ARHGAP39: variants seen among roughly 807,000 people sequenced by gnomAD.
ARHGAP39 encodes the protein Rho GTPase activating protein 39.
In ARHGAP39, 44 loss-of-function variants were observed where a neutral mutation model predicts 106.9. That is an observed-to-expected ratio of 0.41 (90% CI 0.32 to 0.53). ARHGAP39 has a LOEUF of 0.53. Ranked by LOEUF, ARHGAP39 falls within the 20% of genes least tolerant of loss-of-function variation. The pLI is 0.21. For missense variants in ARHGAP39, 1,496 were observed against 1,577.3 expected (o/e 0.95, Z 0.87); for synonymous variants, 768 against 693.2 (o/e 1.11, Z -1.69).
intron 1 of ARHGAP39, among the ~76,000 whole-genome samples, chr8:144,651,909 A>C (rs1173742237): frequency 6.6e-6 from 1 of 152,144 alleles, no homozygotes; most frequent in Non-Finnish European, 1.5e-5. Context: ...TACACCATAT[A>C]CAAAAATCAA....
chr8:144,553,459 T>G (rs951087996), intron 4 of ARHGAP39, among the ~76,000 whole-genome samples: 1 of 152,184 alleles, frequency 6.6e-6, no homozygotes, highest in African/African-American at 2.4e-5. Context: ...TGAGAACGTC[T>G]CAGGACAGGG....
At chr8:144,651,145 C>T (rs1053294050) in intron 1 of ARHGAP39, among the ~76,000 whole-genome samples, 1 of 152,122 alleles carries the variant, frequency 6.6e-6, no homozygotes, top group Non-Finnish European at 1.5e-5. Context: ...GGAAGGCAAT[C>T]CCATTCACAA....
intron 2 of ARHGAP39, among the ~76,000 whole-genome samples, chr8:144,603,394 T>C (rs367860881): frequency 1.3e-5 from 2 of 152,052 alleles, no homozygotes; most frequent in African/African-American, 2.4e-5. Context: ...CCTGCATAAT[T>C]TTCTAGTTTT....
chr8:144,542,353 A>G (rs1417211152), intron 6 of ARHGAP39, among the ~76,000 whole-genome samples: 1 of 152,170 alleles, frequency 6.6e-6, no homozygotes, highest in Non-Finnish European at 1.5e-5. Flanking sequence ...GAGGGTGGTG[A>G]CCACACAGTG....
At chr8:144,655,626 A>G (rs1821674898) in intron 1 of ARHGAP39, among the ~76,000 whole-genome samples, 1 of 152,056 alleles carries the variant, frequency 6.6e-6, no homozygotes, top group South Asian at 2.1e-4. Flanking sequence ...CGACCTGCCT[A>G]CAGAGAGGAG....
At chr8:144,620,236 C>T (rs1227832576) in intron 1 of ARHGAP39, among the ~76,000 whole-genome samples, 24 of 143,824 alleles carry the variant, frequency 1.7e-4, no homozygotes, top group Non-Finnish European at 2.4e-4. Flanking sequence ...TGTGTGTGCC[C>T]GTGTCTGTTA....
chr8:144,579,859 C>G (rs1818905382), intron 3 of ARHGAP39, among the ~76,000 whole-genome samples: 1 of 152,162 alleles, frequency 6.6e-6, no homozygotes, highest in South Asian at 2.1e-4. Context: ...GCCTTTCTCT[C>G]CCTGGGGTCC....
intron 1 of ARHGAP39, among the ~76,000 whole-genome samples, chr8:144,661,670 G>A (rs1821825610): frequency 1.3e-5 from 2 of 152,122 alleles, no homozygotes; most frequent in Admixed American, 1.3e-4. Context: ...ATAGGTGGGA[G>A]CCACCATACA....
In ARHGAP39 at chr8:144,555,654, G is replaced by A; in HGVS notation, c.513-11C>T. Reference sequence around the variant, plus strand: ...CCTGGTGGTGAAGAGCTGAAACACAGTAAAATGAAAGAAATATGAATATAA... The same window carrying A: ...CCTGGTGGTGAAGAGCTGAAACACAATAAAATGAAAGAAATATGAATATAA... On this transcript the variant is annotated splice_polypyrimidine_tract_variant and intron_variant, in intron 3 of 11. Coordinates refer to ENST00000377307, the MANE Select transcript of ARHGAP39 (RefSeq NM_025251.3). The A allele has an allele frequency of 6.2e-6, 10 of 1,609,504 alleles. No individual in the cohort carries two copies. Among genetic ancestry groups the A allele is most frequent in the Non-Finnish European group, 8.5e-6 (10 of 1,176,340 alleles).
In ARHGAP39 at chr8:144,676,866, C is replaced by T. The variant is rs562544822; in HGVS notation, c.-82+8820G>A. ...GCTCCTCCAGCGTGGCCAGAGCGGA[C>T]GCCGAGGAGGCGCCGAGAGCAAGCG... On this transcript the variant is annotated intron_variant, in intron 1 of 11. Coordinates refer to ENST00000377307, the MANE Select transcript of ARHGAP39 (RefSeq NM_025251.3). 3.1e-4 allele frequency among the ~76,000 whole-genome samples: 48 copies of T among 152,382 alleles called. 1 individual carries two copies. The highest frequency in any genetic ancestry group is 1.7e-3 in the East Asian group (9 of 5,190).
intron 1 of ARHGAP39, among the ~76,000 whole-genome samples, chr8:144,633,501 C>T (rs1179253851): frequency 2.0e-5 from 3 of 152,116 alleles, no homozygotes; most frequent in Non-Finnish European, 2.9e-5. Context: ...TTGGAATGTC[C>T]AGTCGGCAAA....
chr8:144,667,078 T>C (rs1247749520), intron 1 of ARHGAP39, among the ~76,000 whole-genome samples: 1 of 152,246 alleles, frequency 6.6e-6, no homozygotes, highest in Non-Finnish European at 1.5e-5. Flanking sequence ...TTTTGTTTAT[T>C]CTAAATATAA....
intron 8 of ARHGAP39, among the ~76,000 whole-genome samples, chr8:144,533,855 G>A (rs558330265): frequency 7.2e-5 from 11 of 152,076 alleles, no homozygotes; most frequent in Non-Finnish European, 1.2e-4. Context: ...TCCAGGGAAC[G>A]GGGTCCTGTC....
intron 1 of ARHGAP39, among the ~76,000 whole-genome samples, chr8:144,683,711 T>C (rs1015723569): frequency 1.3e-5 from 2 of 152,138 alleles, no homozygotes; most frequent in Admixed American, 1.3e-4. Context: ...GTGAGGCTTG[T>C]CTCTCTTTTA....
At position 144,555,597 on chromosome 8, in the gene ARHGAP39, G is replaced by A. The variant is rs769352141; in HGVS notation, c.559C>T (p.Arg187Trp). Residue 187 changes from arginine (R) to tryptophan (W), a missense_variant, in exon 4 of 12, where the codon CGG becomes TGG. By Grantham distance (101) the Arg-to-Trp change is moderately radical. Transcript: ENST00000377307. The stretch of plus-strand genomic sequence containing the variant: ...AGCTGGCCGTCCGCACTGTAATCCC[G>A]GTAAATCTCATAGTCCTTCTCAAGG... ...VFLEKDYEIY[R>W]DYSADGQLLH... is the part of the protein sequence containing the mutation. The A allele has an allele frequency of 5.0e-6, 8 of 1,614,014 alleles. No homozygotes were observed. In the Admixed American group the frequency reaches 5.0e-5, roughly 10 times the overall value.
chr8:144,604,232 T>G lies in ARHGAP39; in HGVS notation c.80+1303A>C, dbSNP rs1820196812. On this transcript the variant is annotated intron_variant, in intron 2 of 11. Transcript: ENST00000377307. The surrounding 1 kb of genome is among the most constrained non-coding windows in gnomAD (Gnocchi z 4.1). ...CACCTCGGGGGGTGCGGGCGAGGCCTCTGTCGGGGTCAGAGGTCATGTTGC... is the reference window on the plus strand; with the variant it reads ...CACCTCGGGGGGTGCGGGCGAGGCCGCTGTCGGGGTCAGAGGTCATGTTGC... Among the ~76,000 whole-genome samples the G allele has an allele frequency of 6.6e-6, 1 of 152,096 alleles. No homozygotes were observed. The highest frequency in any genetic ancestry group is 1.5e-5 in the Non-Finnish European group (1 of 68,018).
intron 1 of ARHGAP39, among the ~76,000 whole-genome samples, chr8:144,660,548 G>A (rs1821796885): frequency 6.6e-6 from 1 of 152,150 alleles, no homozygotes; most frequent in Non-Finnish European, 1.5e-5. Context: ...ACTCAGTCTT[G>A]CAAGCCATGA....
At chr8:144,697,641 T>C in the ARHGAP39 span, among the ~76,000 whole-genome samples, 1 of 152,080 alleles carries the variant, frequency 6.6e-6, no homozygotes, top group African/African-American at 2.4e-5. Context: ...TGCCTCAGCC[T>C]CCCATGCCCA....
chr8:144,651,122 G>A (rs969781282), intron 1 of ARHGAP39, among the ~76,000 whole-genome samples: 1 of 152,086 alleles, frequency 6.6e-6, no homozygotes, highest in African/African-American at 2.4e-5. Flanking sequence ...CAGCCAAGTC[G>A]AGAGTCAAAT....
Sources: gnomAD v4.1 joint callset for allele counts (sites outside exome capture counted in the v4.1 genomes callset) on GRCh38, gnomAD v4.1.1 for gene constraint, Gnocchi (gnomAD v3.1) non-coding constraint, MANE v1.5 for transcripts, NCBI Gene and HGNC (gene_info 2026-07-23, HGNC 2026-07-21) for gene names.